Variants in KPNA5 observed in about 807,000 individuals in gnomAD.
The protein encoded by KPNA5 is karyopherin subunit alpha 5.
A neutral mutation model predicts 71.3 loss-of-function variants in KPNA5; 46 were observed. That is an observed-to-expected ratio of 0.65 (90% CI 0.51 to 0.83). KPNA5 has a LOEUF of 0.83. Among genes scored for constraint, KPNA5 ranks in the 40% least tolerant of loss-of-function variants. The probability of loss-of-function intolerance (pLI) is 0.00; values close to 1 mark genes in which losing one functional copy is unlikely to be tolerated. For missense variants in KPNA5, 547 were observed against 628.3 expected (o/e 0.87, Z 1.38); for synonymous variants, 207 against 201.4 (o/e 1.03, Z -0.24).
chr6:116,729,872 T>G, intron 13 of KPNA5, 131 bp downstream of exon 13: 3 of 478,326 alleles, frequency 6.3e-6, no homozygotes, highest in Non-Finnish European at 1.1e-5. Context: ...ATGTCACCCG[T>G]AATTTTATTA....
chr6:116,721,357 T>TGGTCATGA (rs988692921), intron 8 of KPNA5, among the ~76,000 whole-genome samples: 1 of 152,166 alleles, frequency 6.6e-6, no homozygotes, highest in Non-Finnish European at 1.5e-5. Flanking sequence ...TTCTCCATGT[T>TGGTCATGA]GGTCAGGCTG....
chr6:116,716,977 TTTTCA>T (rs1442260052), intron 8 of KPNA5, among the ~76,000 whole-genome samples: 1 of 152,046 alleles, frequency 6.6e-6, no homozygotes, highest in Admixed American at 6.6e-5. Context: ...TCATTTTTAC[TTTTCA>T]TTTCATTTCA....
rs146410667 is a variant in KPNA5, at chr6:116,722,218, C to T, written c.849C>T (p.Ser283=). 61 of 1,612,976 alleles carry T rather than the reference C, an allele frequency of 3.8e-5. No homozygotes were observed. The East Asian group carries it at 5.8e-4, about 15-fold the overall frequency. ...ADVCWALSYL[S]DGPNDKIQAV... ...TGTGTTGGGCCCTTTCTTATCTCTC[C>T]GATGGACCCAATGATAAAATTCAAG... is the stretch of plus-strand genomic sequence containing the variant. The change falls in exon 9 of 14, where the codon TCC becomes TCT. Residue 283 remains serine (S), a synonymous_variant. Transcript: ENST00000368564.
At chr6:116,726,460 T>A in intron 11 of KPNA5, 35 bp from the exon 12 acceptor site, 1 of 1,577,370 alleles carries the variant, frequency 6.3e-7, no homozygotes. Flanking sequence ...TTAGAAACAG[T>A]ATTTGTACTG....
chr6:116,684,907 A>C (rs1189144764), intron 1 of KPNA5, among the ~76,000 whole-genome samples: 1 of 152,204 alleles, frequency 6.6e-6, no homozygotes, highest in African/African-American at 2.4e-5. Context: ...ATGCAAAGCA[A>C]CTGGAACTCT....
At chr6:116,715,700 G>A (rs556147562) in intron 7 of KPNA5, among the ~76,000 whole-genome samples, 2 of 152,158 alleles carry the variant, frequency 1.3e-5, no homozygotes, top group South Asian at 2.1e-4. Flanking sequence ...GGTGGATCAC[G>A]AGGTCGGGAG....
intron 7 of KPNA5, among the ~76,000 whole-genome samples, chr6:116,710,697 T>A (rs1384174843): frequency 6.6e-6 from 1 of 151,686 alleles, no homozygotes; most frequent in Non-Finnish European, 1.5e-5. Flanking sequence ...GTTATAGTTC[T>A]ATTTAGATTT....
At chr6:116,729,818 A>G (rs1048712088) in intron 13 of KPNA5, 77 bp downstream of exon 13, 12 of 951,056 alleles carry the variant, frequency 1.3e-5, no homozygotes, top group Admixed American at 6.2e-5. Flanking sequence ...GTTCCCTACA[A>G]TTTTTTTGTT....
At chr6:116,681,624 A>C in intron 1 of KPNA5, 1 of 979,466 alleles carries the variant, frequency 1.0e-6, no homozygotes, top group Non-Finnish European at 1.3e-6. Context: ...GCCCCGCCTC[A>C]CCGTTTCTCG....
intron 4 of KPNA5, among the ~76,000 whole-genome samples, chr6:116,695,070 C>G (rs1216627866): frequency 6.6e-6 from 1 of 152,074 alleles, no homozygotes; most frequent in African/African-American, 2.4e-5. Context: ...CCTACTTCAG[C>G]TTCCTGAGTA....
At position 116,737,421 on chromosome 6, in the gene KPNA5, G is replaced by C. The variant is rs1433748028; in HGVS notation, c.*5098G>C. The stretch of plus-strand genomic sequence containing the variant: ...AGGGGAATCCTCTGCAGATAATCTG[G>C]AGCAATCTGTGTAGTTTTGTCACAT... On this transcript the variant is annotated 3_prime_UTR_variant, in exon 14 of 14. Coordinates refer to ENST00000368564, the MANE Select transcript of KPNA5 (RefSeq NM_001366306.2). 2.0e-5 allele frequency: 3 copies of C among 151,962 alleles called. No individual in the cohort carries two copies. Among genetic ancestry groups the C allele is most frequent in the Admixed American group, 1.3e-4 (2 of 15,188 alleles). The allele number at this position is 151,962 out of a possible 1,614,324, so 9.4% of individuals were successfully genotyped here. A position where few individuals can be genotyped will look rare whatever the true frequency, so the allele number is the denominator to read the frequency against.
chr6:116,718,265 TC>T (rs1778970077), intron 8 of KPNA5, among the ~76,000 whole-genome samples: 3 of 150,910 alleles, frequency 2.0e-5, no homozygotes, highest in African/African-American at 7.3e-5. Flanking sequence ...ATTTTTTTTT[TC>T]TTTTTTTTTT....
chr6:116,681,275 C>T lies in KPNA5; in HGVS notation c.-60C>T. 2 of 1,605,972 alleles carry T rather than the reference C, an allele frequency of 1.2e-6. No individual in the cohort carries two copies. On this transcript the variant is annotated 5_prime_UTR_variant, in exon 1 of 14. Transcript: ENST00000368564. ...GGGCGGAGTGGCGGCCCTTCTGTTA[C>T]CCGCCACACACGTCGCCGCTGGGGA...
At chr6:116,694,413 T>C (rs185576722) in intron 4 of KPNA5, among the ~76,000 whole-genome samples, 12 of 152,274 alleles carry the variant, frequency 7.9e-5, no homozygotes, top group Admixed American at 5.9e-4. Context: ...TTTATTTCAT[T>C]GAGCAGTGGT....
At position 116,737,090 on chromosome 6, in the gene KPNA5, A is replaced by G. The variant is rs1429154978; in HGVS notation, c.*4767A>G. 1 of 151,896 alleles carries G rather than the reference A, an allele frequency of 6.6e-6. No homozygotes were observed. The highest frequency in any genetic ancestry group is 1.9e-4 in the East Asian group (1 of 5,190). The allele number at this position is 151,896 out of a possible 1,614,324, so 9.4% of individuals were successfully genotyped here. A position where few individuals can be genotyped will look rare whatever the true frequency, so the allele number is the denominator to read the frequency against. On this transcript the variant is annotated 3_prime_UTR_variant, in exon 14 of 14. Coordinates refer to ENST00000368564, the MANE Select transcript of KPNA5 (RefSeq NM_001366306.2). ...CATGCGTTTACATGTTTGGATATTG[A>G]ATTTCCCATATTTGTTCTTCTTAAC...
At chr6:116,683,465 T>G (rs1426491857) in intron 1 of KPNA5, among the ~76,000 whole-genome samples, 1 of 152,206 alleles carries the variant, frequency 6.6e-6, no homozygotes, top group East Asian at 1.9e-4. Flanking sequence ...TGCACTGTAA[T>G]GAACTCTGAT....
intron 1 of KPNA5, among the ~76,000 whole-genome samples, chr6:116,683,567 G>A (rs1380473668): frequency 2.6e-5 from 4 of 151,900 alleles, no homozygotes; most frequent in Non-Finnish European, 4.4e-5. Flanking sequence ...TATGTTGAGC[G>A]GTTTCCCTCT....
intron 7 of KPNA5, among the ~76,000 whole-genome samples, chr6:116,709,314 A>C (rs911522700): frequency 4.6e-5 from 7 of 151,434 alleles, no homozygotes; most frequent in Non-Finnish European, 8.8e-5. Context: ...CTCATGCCTC[A>C]ACTCTCCCAA....
chr6:116,696,955 T>TA (rs1778052082), intron 4 of KPNA5, among the ~76,000 whole-genome samples: 1 of 151,814 alleles, frequency 6.6e-6, no homozygotes, highest in African/African-American at 2.4e-5. Flanking sequence ...TGTGGGGGGG[T>TA]ATATATCATA....
Sources: gnomAD v4.1 joint callset for allele counts (sites outside exome capture counted in the v4.1 genomes callset) on GRCh38, gnomAD v4.1.1 for gene constraint, MANE v1.5 for transcripts, NCBI Gene and HGNC (gene_info 2026-07-23, HGNC 2026-07-21) for gene names.